The following LHFPL2 variants were observed in gnomAD, a reference collection of about 807,000 sequenced individuals.
The protein encoded by LHFPL2 is LHFPL tetraspan subfamily member 2, also known as LHFPL tetraspan subfamily member 2 protein.
Under a neutral mutation model 17.5 loss-of-function variants are expected in LHFPL2, and 7 were observed. The ratio of observed to expected loss-of-function variants is 0.40; its 90% CI spans 0.23 to 0.75. The LOEUF is 0.75. Ranked by LOEUF, LHFPL2 falls within the 30% of genes least tolerant of loss-of-function variation. The pLI is 0.37. For missense variants in LHFPL2, 241 were observed against 294.8 expected, an observed-to-expected ratio of 0.82 and a Z score of 1.34; for synonymous variants, 134 against 116.2, an observed-to-expected ratio of 1.15 and a Z score of -0.99.
At chr5:78,602,423 T>C (rs1403831574) in intron 2 of LHFPL2, among the ~76,000 whole-genome samples, 1 of 152,116 alleles carries the variant, frequency 6.6e-6, no homozygotes, top group East Asian at 1.9e-4. Flanking sequence ...AAGAAACATA[T>C]CCTTCTCAAA....
chr5:78,550,959 C>T (rs1756423478), intron 3 of LHFPL2, among the ~76,000 whole-genome samples: 3 of 152,210 alleles, frequency 2.0e-5, no homozygotes, highest in Non-Finnish European at 2.9e-5. Flanking sequence ...GAAACAGCTT[C>T]TTAGAATTAG....
At chr5:78,602,542 T>C (rs1297187044) in intron 2 of LHFPL2, among the ~76,000 whole-genome samples, 1 of 152,214 alleles carries the variant, frequency 6.6e-6, no homozygotes, top group Non-Finnish European at 1.5e-5. Flanking sequence ...GTTTGTTCTT[T>C]AAGAACAAAC....
At chr5:78,549,631 G>A (rs951282882) in intron 3 of LHFPL2, among the ~76,000 whole-genome samples, 2 of 152,178 alleles carry the variant, frequency 1.3e-5, no homozygotes, top group African/African-American at 4.8e-5. Flanking sequence ...AATTCTGCTC[G>A]ATTTTCTTTC....
At chr5:78,505,714 A>G (rs1027298662) in intron 4 of LHFPL2, among the ~76,000 whole-genome samples, 1 of 152,254 alleles carries the variant, frequency 6.6e-6, no homozygotes, top group African/African-American at 2.4e-5. Flanking sequence ...AATGCAACAA[A>G]TCCGGGAAAC....
chr5:78,607,109 A>G (rs1744242941), intron 2 of LHFPL2, among the ~76,000 whole-genome samples: 1 of 151,916 alleles, frequency 6.6e-6, no homozygotes, highest in Non-Finnish European at 1.5e-5. Context: ...GATGTAGTGT[A>G]TCTTCTTTTT....
chr5:78,613,849 T>C (rs1744501913), intron 2 of LHFPL2, among the ~76,000 whole-genome samples: 1 of 152,156 alleles, frequency 6.6e-6, no homozygotes, highest in Non-Finnish European at 1.5e-5. Flanking sequence ...CTCAGATTCA[T>C]CAGGTACAAA....
rs575304383 is a variant in LHFPL2 at position 78,567,792 on chromosome 5, G to A, written c.-244-2921C>T. Among the ~76,000 whole-genome samples the A allele has an allele frequency of 5.3e-5, 8 of 152,174 alleles. No individual in the cohort carries two copies. In the East Asian group the frequency reaches 1.5e-3, roughly 29 times the overall value. On this transcript the variant is annotated intron_variant, in intron 2 of 4. Coordinates refer to ENST00000380345, the MANE Select transcript of LHFPL2 (RefSeq NM_005779.3). ...TTATCCTAACAACTATATAATGCAA[G>A]CAGGAGAGAAAATTTTGGCCGCATT...
At chr5:78,605,496 T>C (rs1744183151) in intron 2 of LHFPL2, among the ~76,000 whole-genome samples, 1 of 152,178 alleles carries the variant, frequency 6.6e-6, no homozygotes, top group Non-Finnish European at 1.5e-5. Flanking sequence ...CACATCAGGA[T>C]TTTTAGGGTC....
In LHFPL2 at chr5:78,637,283, A is replaced by G. The variant is rs1745484924; in HGVS notation, c.-349-4915T>C. Among the ~76,000 whole-genome samples the G allele has an allele frequency of 2.0e-5, 3 of 150,836 alleles. No individual in the cohort carries two copies. The South Asian group carries it at 6.3e-4, about 32-fold the overall frequency. ...TCGCATAACCTTGAAGTTATAGGGT[A>G]TGTGGGAAAATGCAGGTTTAATGGA... is the stretch of plus-strand genomic sequence containing the variant. On this transcript the variant is annotated intron_variant, in intron 1 of 4. Coordinates refer to ENST00000380345, the MANE Select transcript of LHFPL2 (RefSeq NM_005779.3).
At position 78,648,183 on chromosome 5, in the gene LHFPL2, C is replaced by A. The variant is rs1013693642; in HGVS notation, c.-350+316G>T. ...AAGCCCGCCAGCGACGCCCAGAGAG[C>A]AGGGCTCGCGCCGGCTTCCCGAGGA... is the stretch of plus-strand genomic sequence containing the variant. On this transcript the variant is annotated intron_variant, in intron 1 of 4. Transcript: ENST00000380345. This position sits in a 1 kb window ranked among gnomAD's most constrained non-coding sequence, Gnocchi z 5.4. Among the ~76,000 whole-genome samples the A allele has an allele frequency of 6.6e-6, 1 of 152,160 alleles. No individual in the cohort carries two copies. The highest frequency in any genetic ancestry group is 6.5e-5 in the Admixed American group (1 of 15,278).
intron 3 of LHFPL2, among the ~76,000 whole-genome samples, chr5:78,539,045 C>G (rs1403647854): frequency 6.6e-6 from 1 of 152,204 alleles, no homozygotes; most frequent in Non-Finnish European, 1.5e-5. Flanking sequence ...AAAATTCATG[C>G]TGAAATCCCC....
chr5:78,523,930 G>A (rs901061580), intron 3 of LHFPL2, among the ~76,000 whole-genome samples: 4 of 147,884 alleles, frequency 2.7e-5, no homozygotes, highest in Admixed American at 6.7e-5. Context: ...TAGATGCTGT[G>A]GAGGGGCTGG....
At chr5:78,518,645 G>C (rs781047621) in intron 3 of LHFPL2, among the ~76,000 whole-genome samples, 1 of 152,160 alleles carries the variant, frequency 6.6e-6, no homozygotes, top group Non-Finnish European at 1.5e-5. Context: ...GGACTGAGCC[G>C]GTGTAATGAC....
At chr5:78,633,625 TCCATAGTGCTTTGAAGC>T (rs1332998610) in intron 1 of LHFPL2, among the ~76,000 whole-genome samples, 1 of 152,170 alleles carries the variant, frequency 6.6e-6, no homozygotes, top group African/African-American at 2.4e-5. Context: ...GGCCTCACAC[TCCATAGTGCTTTGAAGC>T]CCATTTCTGT....
chr5:78,491,536 T>C (rs952794451), intron 4 of LHFPL2, among the ~76,000 whole-genome samples: 2 of 152,172 alleles, frequency 1.3e-5, no homozygotes, highest in African/African-American at 2.4e-5. Flanking sequence ...CATAGTCTAG[T>C]GTGAGGACAG....
intron 2 of LHFPL2, among the ~76,000 whole-genome samples, chr5:78,581,929 T>A (rs1251198607): frequency 1.3e-5 from 2 of 152,200 alleles, no homozygotes; most frequent in Non-Finnish European, 2.9e-5. Flanking sequence ...CTGTACTATT[T>A]TTGGTTGGTA....
chr5:78,489,774 T>G (rs927343667), intron 4 of LHFPL2, among the ~76,000 whole-genome samples: 1 of 152,252 alleles, frequency 6.6e-6, no homozygotes, highest in Non-Finnish European at 1.5e-5. Context: ...AAATGTTAAC[T>G]TTATAAGTAA....
rs1241959661 is a variant in LHFPL2 at position 78,485,872 on chromosome 5, T to G, written c.*3025A>C. ...ATTTTAGACCCAGGAAAAAATGATT[T>G]CATACCAGTCTTTTCTTCACATAAG... On this transcript the variant is annotated 3_prime_UTR_variant, in exon 5 of 5. Coordinates refer to ENST00000380345, the MANE Select transcript of LHFPL2 (RefSeq NM_005779.3). 2 of 152,632 alleles carry G rather than the reference T, an allele frequency of 1.3e-5. No individual in the cohort carries two copies. The highest frequency in any genetic ancestry group is 4.8e-5 in the African/African-American group (2 of 41,454). The allele number at this position is 152,632 out of a possible 1,614,324, so 9.5% of individuals were successfully genotyped here.
chr5:78,535,575 G>C (rs761158189), intron 3 of LHFPL2, among the ~76,000 whole-genome samples: 1 of 152,086 alleles, frequency 6.6e-6, no homozygotes, highest in African/African-American at 2.4e-5. Flanking sequence ...CTCCCTCACC[G>C]TCAGCCCCCA....
Sources: allele counts gnomAD v4.1 joint callset (sites outside exome capture counted in the v4.1 genomes callset), GRCh38; gene constraint gnomAD v4.1.1; non-coding constraint Gnocchi (gnomAD v3.1); transcripts MANE v1.5; gene names NCBI Gene and HGNC (gene_info 2026-07-23, HGNC 2026-07-21).